Variants in TRDMT1 observed in about 807,000 individuals in gnomAD.
The protein encoded by TRDMT1 is tRNA (cytosine(38)-C(5))-methyltransferase.
TRDMT1 carries 49 observed loss-of-function variants against 51.2 expected under a neutral mutation model. The ratio of observed to expected loss-of-function variants is 0.96; its 90% confidence interval spans 0.76 to 1.21. The LOEUF (loss-of-function observed/expected upper bound fraction) is 1.21. Among genes scored for constraint, TRDMT1 ranks in the 50% most tolerant of loss-of-function variants. The pLI, the probability that TRDMT1 is intolerant of heterozygous loss-of-function variation, is 0.00. For missense variants in TRDMT1, 534 were observed against 462.3 expected (o/e 1.16, Z -1.42); for synonymous variants, 187 against 164.6 (o/e 1.14, Z -1.04).
In TRDMT1 at chr10:17,157,707, T is replaced by C. The variant is rs773857792; in HGVS notation, c.621A>G (p.Glu207=). ...YAMDVENKIQ[E]KNVEPNISFD... is the part of the protein sequence containing the mutation. ...AGCTAATATTTGGTTCAACGTTCTT[T>C]TCTTGAATTTTATTTTCTACATCCA... The change falls in exon 8 of 11, where the codon GAA becomes GAG. Residue 207 remains glutamate (E), a synonymous_variant. Transcript: ENST00000377799. The C allele has an allele frequency of 1.2e-6, 2 of 1,612,098 alleles. No individual in the cohort carries two copies. Among genetic ancestry groups the C allele is most frequent in the South Asian group, 1.1e-5 (1 of 90,810 alleles).
At chr10:17,151,643 A>T (rs943812632) in intron 10 of TRDMT1, 3 of 971,268 alleles carry the variant, frequency 3.1e-6, no homozygotes, top group Middle Eastern at 5.3e-4. Flanking sequence ...TCTAAGTATT[A>T]TACATATATA....
rs887804569 is a variant in TRDMT1, at chr10:17,142,928, G to A, written c.*6112C>T. On this transcript the variant is annotated 3_prime_UTR_variant, in exon 11 of 11. Coordinates refer to ENST00000377799, the MANE Select transcript of TRDMT1 (RefSeq NM_004412.7). ...CCAGAGTTTATAATTACACTTTTCA[G>A]GGAGGAGCAGGGAGAAATAAATCTA... 11 of 901,006 alleles carry A rather than the reference G, an allele frequency of 1.2e-5. No homozygotes were observed. The South Asian group carries it at 5.1e-4, about 42-fold the overall frequency. 55.8% of individuals were successfully genotyped at this position (901,006 alleles called of 1,614,324 possible). A position where few individuals can be genotyped will look rare whatever the true frequency, so the allele number is the denominator to read the frequency against.
In TRDMT1 at chr10:17,144,357, C is replaced by T. The variant is rs1352763850; in HGVS notation, c.*4683G>A. 1.4e-5 allele frequency: 14 copies of T among 985,266 alleles called. No individual in the cohort carries two copies. Among genetic ancestry groups the T allele is most frequent in the African/African-American group, 3.5e-5 (2 of 57,216 alleles). The allele number at this position is 985,266 out of a possible 1,614,324, so 61.0% of individuals were successfully genotyped here. A position where few individuals can be genotyped will look rare whatever the true frequency, so the allele number is the denominator to read the frequency against. On this transcript the variant is annotated 3_prime_UTR_variant, in exon 11 of 11. Coordinates refer to ENST00000377799, the MANE Select transcript of TRDMT1 (RefSeq NM_004412.7). The stretch of plus-strand genomic sequence containing the variant: ...GTAAACACTGAAGCCATGCTAGGTA[C>T]AAGCAAAGAAATGAAAAAACCCTAG...
chr10:17,172,118 C>T (rs1261436947), intron 2 of TRDMT1: 1 of 165,600 alleles, frequency 6.0e-6, no homozygotes, highest in Non-Finnish European at 1.5e-5. Context: ...AAGAAAAGCA[C>T]CACAAGGTCC....
chr10:17,177,028 A>G (rs1198762860), intron 1 of TRDMT1, among the ~76,000 whole-genome samples: 1 of 152,006 alleles, frequency 6.6e-6, no homozygotes, highest in African/African-American at 2.4e-5. Flanking sequence ...ATTGAAACAG[A>G]GGAAGAGGAT....
At chr10:17,158,934 T>G (rs546286592) in intron 7 of TRDMT1, among the ~76,000 whole-genome samples, 1 of 152,232 alleles carries the variant, frequency 6.6e-6, no homozygotes, top group South Asian at 2.1e-4. Flanking sequence ...AAAAGAAACA[T>G]TGTTTTGTTT....
At chr10:17,195,968 C>T (rs1186109163) in intron 1 of TRDMT1, among the ~76,000 whole-genome samples, 3 of 152,102 alleles carry the variant, frequency 2.0e-5, no homozygotes, top group Non-Finnish European at 4.4e-5. Context: ...CATAGGCCAG[C>T]CCCTAACAAC....
Position 17,175,179 on chromosome 10 carries a change from T to G in TRDMT1, c.65-519A>C, listed in dbSNP as rs190359747. ...TCACATTTGACAAAATTCACCCAAT[T>G]AGAGCTTACATAAGTTTTTAAATGA... On this transcript the variant is annotated intron_variant, in intron 1 of 10. Transcript: ENST00000377799. Among the ~76,000 whole-genome samples the G allele has an allele frequency of 2.0e-3, 307 of 152,252 alleles. 1 individual carries two copies. Among genetic ancestry groups the G allele is most frequent in the African/African-American group, 7.1e-3 (294 of 41,556 alleles).
intron 1 of TRDMT1, among the ~76,000 whole-genome samples, chr10:17,187,303 T>G (rs954400732): frequency 2.6e-5 from 4 of 152,154 alleles, no homozygotes; most frequent in Non-Finnish European, 5.9e-5. Flanking sequence ...ATATTCAACT[T>G]CACTAGTAAT....
In TRDMT1 at chr10:17,148,232, G is replaced by C. The variant is rs1396081542; in HGVS notation, c.*808C>G. On this transcript the variant is annotated 3_prime_UTR_variant, in exon 11 of 11. Transcript: ENST00000377799. ...TGGGGGGAGGGGAGTACTGTCATAT[G>C]ACATGGGATCAGAGGGCAGCTTCCT... 1.5e-5 allele frequency: 15 copies of C among 985,478 alleles called. No homozygotes were observed. The highest frequency in any genetic ancestry group is 1.8e-5 in the Non-Finnish European group (15 of 829,958). 61.0% of individuals were successfully genotyped at this position (985,478 alleles called of 1,614,324 possible). A position where few individuals can be genotyped will look rare whatever the true frequency, so the allele number is the denominator to read the frequency against.
At chr10:17,162,806 C>T (rs1469218545) in intron 3 of TRDMT1, among the ~76,000 whole-genome samples, 2 of 152,134 alleles carry the variant, frequency 1.3e-5, no homozygotes, top group Non-Finnish European at 1.5e-5. Flanking sequence ...CCTTACATAT[C>T]TAATAAGTAC....
At chr10:17,174,052 C>T (rs769785119) in intron 2 of TRDMT1, among the ~76,000 whole-genome samples, 27 of 152,202 alleles carry the variant, frequency 1.8e-4, no homozygotes, top group Non-Finnish European at 3.2e-4. Context: ...CGTCAGCCAC[C>T]GCGCCCAGCC....
chr10:17,197,239 G>A (rs1228793484), intron 1 of TRDMT1, among the ~76,000 whole-genome samples: 1 of 152,122 alleles, frequency 6.6e-6, no homozygotes, highest in African/African-American at 2.4e-5. Context: ...TAAAACGATA[G>A]CAGAAGGATT....
In TRDMT1 at chr10:17,143,223, A is replaced by C. The variant is rs529010665; in HGVS notation, c.*5817T>G. The C allele has an allele frequency of 1.1e-3, 1,052 of 985,450 alleles. 2 individuals are homozygous for C. The highest frequency in any genetic ancestry group is 3.7e-3 in the Middle Eastern group (7 of 1,914). 61.0% of individuals were successfully genotyped at this position (985,450 alleles called of 1,614,324 possible). On this transcript the variant is annotated 3_prime_UTR_variant, in exon 11 of 11. Transcript: ENST00000377799. ...CAATATTGATTCCAGTATGGTTCCTACATTCACTCATTCAACAACTATTTA... is the reference window on the plus strand; with the variant it reads ...CAATATTGATTCCAGTATGGTTCCTCCATTCACTCATTCAACAACTATTTA...
rs999665874 is a variant in TRDMT1, at chr10:17,146,226, G to C, written c.*2814C>G. On this transcript the variant is annotated 3_prime_UTR_variant, in exon 11 of 11. Coordinates refer to ENST00000377799, the MANE Select transcript of TRDMT1 (RefSeq NM_004412.7). Reference sequence around the variant, plus strand: ...CTCACTGTTCACAATTTCAACTACTGTTTTTGCCTCTTTAGAAGGCTCTCC... The same window carrying C: ...CTCACTGTTCACAATTTCAACTACTCTTTTTGCCTCTTTAGAAGGCTCTCC... 16 of 985,330 alleles carry C rather than the reference G, an allele frequency of 1.6e-5. No homozygotes were observed. The highest frequency in any genetic ancestry group is 1.9e-5 in the Non-Finnish European group (16 of 829,938). 61.0% of individuals were successfully genotyped at this position (985,330 alleles called of 1,614,324 possible).
rs546203559 is a variant in TRDMT1 at position 17,147,090 on chromosome 10, T to A, written c.*1950A>T. 1.0e-6 allele frequency: 1 copy of A among 985,848 alleles called. No individual in the cohort carries two copies. Among genetic ancestry groups the A allele is most frequent in the East Asian group, 1.1e-4 (1 of 8,814 alleles). 61.1% of individuals were successfully genotyped at this position (985,848 alleles called of 1,614,324 possible). A position where few individuals can be genotyped will look rare whatever the true frequency, so the allele number is the denominator to read the frequency against. On this transcript the variant is annotated 3_prime_UTR_variant, in exon 11 of 11. Coordinates refer to ENST00000377799, the MANE Select transcript of TRDMT1 (RefSeq NM_004412.7). Reference sequence around the variant, plus strand: ...GTAACTCGACACTTATTTTGTATAATGTTGCTCAACCGAATGTGGGATACT... The same window carrying A: ...GTAACTCGACACTTATTTTGTATAAAGTTGCTCAACCGAATGTGGGATACT...
At chr10:17,171,901 T>A (rs544042415) in intron 2 of TRDMT1, 25 of 163,970 alleles carry the variant, frequency 1.5e-4, no homozygotes, top group African/African-American at 5.8e-4. Context: ...TCTAGAAAAA[T>A]TTTTATCTAT....
At chr10:17,186,614 A>G (rs1843964853) in intron 1 of TRDMT1, among the ~76,000 whole-genome samples, 1 of 152,204 alleles carries the variant, frequency 6.6e-6, no homozygotes, top group Admixed American at 6.5e-5. Flanking sequence ...CTCCAGAATT[A>G]TAAGATAATA....
At chr10:17,177,987 T>C (rs1842823341) in intron 1 of TRDMT1, among the ~76,000 whole-genome samples, 1 of 152,216 alleles carries the variant, frequency 6.6e-6, no homozygotes, top group African/African-American at 2.4e-5. Context: ...AAAGACGTTA[T>C]GTTAGATAAT....
Sources: allele counts gnomAD v4.1 joint callset (sites outside exome capture counted in the v4.1 genomes callset), GRCh38; gene constraint gnomAD v4.1.1; transcripts MANE v1.5; gene names NCBI Gene and HGNC (gene_info 2026-07-23, HGNC 2026-07-21).